The following DACH2 variants were observed in gnomAD, a reference collection of about 807,000 sequenced individuals.
The protein encoded by DACH2 is dachshund homolog 2.
Under a neutral mutation model 35.8 loss-of-function variants are expected in DACH2, and 17 were observed. The ratio of observed to expected loss-of-function variants is 0.48; its 90% CI spans 0.33 to 0.71. DACH2 has a LOEUF of 0.71. DACH2 is among the 30% of genes least tolerant of loss of function. The pLI, the probability that DACH2 is intolerant of heterozygous loss-of-function variation, is 0.02. For synonymous variants in DACH2, 195 were observed against 177.3 expected, an observed-to-expected ratio of 1.10 and a Z score of -0.79; for missense variants, 469 against 472.7, an observed-to-expected ratio of 0.99 and a Z score of 0.07.
intron 3 of DACH2, among the ~76,000 whole-genome samples, chrX:86,590,704 G>T (rs1335579014): frequency 9.0e-6 from 1 of 111,689 alleles, no homozygotes; most frequent in Non-Finnish European, 1.9e-5. Flanking sequence ...AATTCTGGTT[G>T]CTGCACAAAC....
intron 1 of DACH2, among the ~76,000 whole-genome samples, chrX:86,207,035 T>G (rs1397338109): frequency 2.7e-5 from 3 of 111,820 alleles, no homozygotes; most frequent in Non-Finnish European, 5.6e-5. Flanking sequence ...AGAGGGAGCT[T>G]GTTAAATAGT....
At chrX:86,285,082 C>T (rs1259356736) in intron 1 of DACH2, among the ~76,000 whole-genome samples, 1 of 111,389 alleles carries the variant, frequency 9.0e-6, no homozygotes, top group Non-Finnish European at 1.9e-5. Flanking sequence ...CTTCTTTGAT[C>T]AGCTAGTCTG....
At chrX:86,292,275 C>T (rs1444762525) in intron 1 of DACH2, among the ~76,000 whole-genome samples, 1 of 49,514 alleles carries the variant, frequency 2.0e-5, no homozygotes, top group African/African-American at 1.3e-4. Flanking sequence ...GGTGATATCC[C>T]CTTTATCATT....
chrX:86,378,899 A>G (rs2036006121), intron 2 of DACH2, among the ~76,000 whole-genome samples: 1 of 111,182 alleles, frequency 9.0e-6, no homozygotes, highest in Admixed American at 9.6e-5. Context: ...ATTTTTTACT[A>G]CTTCAAAATA....
chrX:86,189,525 A>T (rs867458285), intron 1 of DACH2, among the ~76,000 whole-genome samples: 1 of 111,821 alleles, frequency 8.9e-6, no homozygotes, highest in Non-Finnish European at 1.9e-5. Flanking sequence ...ATGGTGCTAT[A>T]ATAGCCTCAG....
intron 1 of DACH2, among the ~76,000 whole-genome samples, chrX:86,278,860 G>A (rs1009522271): frequency 9.0e-6 from 1 of 111,485 alleles, no homozygotes. Flanking sequence ...GGTGGGGAGA[G>A]GGGCGTCCGC....
At chrX:86,809,253 A>G (rs1487532938) in intron 7 of DACH2, among the ~76,000 whole-genome samples, 2 of 111,752 alleles carry the variant, frequency 1.8e-5, no homozygotes, top group Non-Finnish European at 3.8e-5. Flanking sequence ...TAAATAAAAA[A>G]AATCAAAATC....
At chrX:86,829,270 A>T (rs1405449115) in intron 11 of DACH2, 1 of 111,967 alleles carries the variant, frequency 8.9e-6, no homozygotes, top group Non-Finnish European at 1.9e-5. Context: ...GTCATGGAGA[A>T]GGATTGAAGC....
intron 2 of DACH2, among the ~76,000 whole-genome samples, chrX:86,488,181 A>G (rs1488477964): frequency 8.9e-6 from 1 of 111,812 alleles, no homozygotes; most frequent in Non-Finnish European, 1.9e-5. Flanking sequence ...GATGGGATGA[A>G]TGAAACATAA....
intron 1 of DACH2, among the ~76,000 whole-genome samples, chrX:86,287,947 A>G (rs2034187174): frequency 8.9e-6 from 1 of 111,790 alleles, no homozygotes; most frequent in Non-Finnish European, 1.9e-5. Flanking sequence ...TGATGCTTGT[A>G]TATATTCCTC....
intron 1 of DACH2, among the ~76,000 whole-genome samples, chrX:86,250,823 T>A (rs188148667): frequency 9.0e-6 from 1 of 111,618 alleles, no homozygotes; most frequent in Admixed American, 9.6e-5. Context: ...ATAATATTGT[T>A]CTTTCTGGGT....
At chrX:86,739,976 T>A in intron 7 of DACH2, 94 bp downstream of exon 7, 2 of 850,788 alleles carry the variant, frequency 2.4e-6, no homozygotes, top group Non-Finnish European at 3.2e-6. Flanking sequence ...CTGGGGAAGC[T>A]GATACCTCCT....
At chrX:86,644,117 C>A (rs150376251) in intron 3 of DACH2, among the ~76,000 whole-genome samples, 10,554 of 110,417 alleles carry the variant, frequency 0.096, 514 homozygotes, top group African/African-American at 0.18. Flanking sequence ...CTAGCCAGAG[C>A]AATCAGGCAA....
At chrX:86,477,504 T>C (rs1303900930) in intron 2 of DACH2, among the ~76,000 whole-genome samples, 1 of 108,774 alleles carries the variant, frequency 9.2e-6, no homozygotes, top group Non-Finnish European at 1.9e-5. Context: ...TTTGTTTTTT[T>C]TATTGGCAGG....
chrX:86,802,408 T>G (rs2042302335), intron 7 of DACH2, among the ~76,000 whole-genome samples: 1 of 110,018 alleles, frequency 9.1e-6, no homozygotes, highest in Non-Finnish European at 1.9e-5. Flanking sequence ...GTCAGATAAG[T>G]TAACTAACCA....
At chrX:86,695,515 C>CT (rs199928241) in intron 5 of DACH2, among the ~76,000 whole-genome samples, 2,998 of 99,433 alleles carry the variant, frequency 0.03, 118 homozygotes, top group African/African-American at 0.098. Context: ...GTTTTGAATT[C>CT]TTTTTTTTTT....
In DACH2 at chrX:86,729,276, G is replaced by A. The variant is rs144146923; in HGVS notation, c.1105-10471G>A. ...CTGCCCTGCAGGGTTTTGAACTTGC[G>A]TGGGACCTTTCTTTTGGCTGATTTC... is the stretch of plus-strand genomic sequence containing the variant. On this transcript the variant is annotated intron_variant, in intron 6 of 11. Transcript: ENST00000373125. Among the ~76,000 whole-genome samples, 577 of 112,150 alleles carry A rather than the reference G, an allele frequency of 5.1e-3. 3 individuals are homozygous for A. Among genetic ancestry groups the A allele is most frequent in the African/African-American group, 0.016 (491 of 30,874 alleles).
chrX:86,690,846 A>G (rs5922272), intron 4 of DACH2, among the ~76,000 whole-genome samples: 30,084 of 111,087 alleles, frequency 0.27, 3,372 homozygotes, highest in Middle Eastern at 0.42. Context: ...TAATGTAGCA[A>G]TAGTTGCTTG....
chrX:86,346,198 C>T (rs1414384170), intron 1 of DACH2, among the ~76,000 whole-genome samples: 1 of 111,038 alleles, frequency 9.0e-6, no homozygotes, highest in Non-Finnish European at 1.9e-5. Context: ...CAATAATTTG[C>T]CCAACCCCTA....
Sources: gnomAD v4.1 joint callset for allele counts (sites outside exome capture counted in the v4.1 genomes callset) on GRCh38, gnomAD v4.1.1 for gene constraint, MANE v1.5 for transcripts, NCBI Gene and HGNC (gene_info 2026-07-23, HGNC 2026-07-21) for gene names.